Variants in RBFOX1 observed in about 807,000 individuals in gnomAD.
RBFOX1 encodes the protein RNA binding protein fox-1 homolog 1.
Under a neutral mutation model 57.7 loss-of-function variants are expected in RBFOX1, and 8 were observed. That is an observed-to-expected ratio of 0.14 (90% CI 0.08 to 0.25). The LOEUF (loss-of-function observed/expected upper bound fraction) is 0.25. RBFOX1 is among the 10% of genes least tolerant of loss of function. RBFOX1 has a pLI of 1.00. For missense variants in RBFOX1, 611 were observed against 548.5 expected (o/e 1.11, Z -1.14); for synonymous variants, 326 against 222.4 (o/e 1.47, Z -4.15).
chr16:7,532,657 G>T (rs1397653656), intron 5 of RBFOX1, among the ~76,000 whole-genome samples: 1 of 152,204 alleles, frequency 6.6e-6, no homozygotes, highest in African/African-American at 2.4e-5. Flanking sequence ...GAAGTAGCAA[G>T]GCTAGGAGTT....
At chr16:7,465,262 T>A (rs374592875) in intron 4 of RBFOX1, among the ~76,000 whole-genome samples, 9 of 152,202 alleles carry the variant, frequency 5.9e-5, no homozygotes, top group Admixed American at 4.6e-4. Flanking sequence ...ATAAGCCCAA[T>A]TGAAGTACAC....
At chr16:7,296,712 G>T (rs1029048874) in intron 4 of RBFOX1, among the ~76,000 whole-genome samples, 1 of 152,152 alleles carries the variant, frequency 6.6e-6, no homozygotes, top group African/African-American at 2.4e-5. Flanking sequence ...ATGGATGTGG[G>T]CCATGCAACC....
At chr16:6,976,933 ATATC>A (rs1406202293) in intron 3 of RBFOX1, among the ~76,000 whole-genome samples, 1 of 146,450 alleles carries the variant, frequency 6.8e-6, no homozygotes, top group Non-Finnish European at 1.5e-5. Context: ...TATATTATAT[ATATC>A]ATATACTATA....
intron 2 of RBFOX1, among the ~76,000 whole-genome samples, chr16:6,624,252 G>T (rs151333956): frequency 9.6e-4 from 146 of 152,326 alleles, no homozygotes; most frequent in African/African-American, 3.2e-3. Flanking sequence ...CTTTGGGTCA[G>T]TTAAATATCT....
At chr16:6,758,979 G>T (rs1339905627) in intron 3 of RBFOX1, among the ~76,000 whole-genome samples, 1 of 151,978 alleles carries the variant, frequency 6.6e-6, no homozygotes, top group Non-Finnish European at 1.5e-5. Context: ...AATGGATGTT[G>T]AACTTAAATC....
intron 4 of RBFOX1, among the ~76,000 whole-genome samples, chr16:7,280,981 C>CT (rs1174515463): frequency 3.5e-5 from 4 of 114,030 alleles, no homozygotes; most frequent in South Asian, 4.1e-4. Context: ...CCCTCCCTCC[C>CT]TCCCTCCCTC....
At chr16:7,405,448 G>C (rs1379022242) in intron 4 of RBFOX1, among the ~76,000 whole-genome samples, 1 of 152,322 alleles carries the variant, frequency 6.6e-6, no homozygotes, top group African/African-American at 2.4e-5. Flanking sequence ...TCCGGGCGAA[G>C]TGTGTTCCCA....
At chr16:5,338,025 C>G (rs1422111760) in intron 1 of RBFOX1, among the ~76,000 whole-genome samples, 1 of 152,166 alleles carries the variant, frequency 6.6e-6, no homozygotes, top group East Asian at 1.9e-4. Context: ...GCCTGGACAA[C>G]AAAGTGAGTC....
At chr16:5,242,417 A>T (rs1188264201) in intron 1 of RBFOX1, among the ~76,000 whole-genome samples, 1 of 152,200 alleles carries the variant, frequency 6.6e-6, no homozygotes, top group African/African-American at 2.4e-5. Context: ...TGATTTTCAA[A>T]CTTAAAATTT....
At chr16:5,393,027 G>T (rs903438162) in intron 1 of RBFOX1, among the ~76,000 whole-genome samples, 12 of 152,154 alleles carry the variant, frequency 7.9e-5, no homozygotes, top group Non-Finnish European at 1.6e-4. Flanking sequence ...CCTTTGAGAA[G>T]AGGTGGCTAA....
At chr16:6,920,222 T>G (rs1312480043) in intron 3 of RBFOX1, among the ~76,000 whole-genome samples, 1 of 150,526 alleles carries the variant, frequency 6.6e-6, no homozygotes, top group African/African-American at 2.5e-5. Flanking sequence ...CAATTGCAAA[T>G]TGTGCTGCTA....
At chr16:6,271,421 T>TA (rs769835793) in intron 1 of RBFOX1, among the ~76,000 whole-genome samples, 37 of 151,896 alleles carry the variant, frequency 2.4e-4, no homozygotes, top group Admixed American at 1.8e-3. Flanking sequence ...AGACCCTGTC[T>TA]AAAAAACAAA....
At chr16:7,465,723 A>G (rs1249201454) in intron 4 of RBFOX1, among the ~76,000 whole-genome samples, 1 of 152,190 alleles carries the variant, frequency 6.6e-6, no homozygotes, top group Non-Finnish European at 1.5e-5. Context: ...CATTAAATGC[A>G]GATTTGTGGG....
intron 4 of RBFOX1, among the ~76,000 whole-genome samples, chr16:7,254,956 C>A (rs145928958): frequency 6.6e-6 from 1 of 152,156 alleles, no homozygotes; most frequent in East Asian, 1.9e-4. Flanking sequence ...ATGGCTCAAC[C>A]GTTAATAAGA....
chr16:5,905,728 G>C (rs74996376), intron 4 of RBFOX1, among the ~76,000 whole-genome samples: 1,758 of 152,196 alleles, frequency 0.012, 9 homozygotes, highest in Non-Finnish European at 0.017. Context: ...GCATCTAGAA[G>C]CCAAGGAGAG....
chr16:6,233,088 C>A (rs1276231503), intron 1 of RBFOX1, among the ~76,000 whole-genome samples: 1 of 152,104 alleles, frequency 6.6e-6, no homozygotes, highest in African/African-American at 2.4e-5. Context: ...TTTACTGAGG[C>A]AGGGCCAGCT....
intron 4 of RBFOX1, among the ~76,000 whole-genome samples, chr16:7,117,926 G>C (rs537614046): frequency 6.6e-6 from 1 of 152,182 alleles, no homozygotes; most frequent in Non-Finnish European, 1.5e-5. Context: ...GGTGGAGAGA[G>C]AGACAGAGAC....
At chr16:7,524,324 C>T (rs911372063) in intron 5 of RBFOX1, among the ~76,000 whole-genome samples, 2 of 152,130 alleles carry the variant, frequency 1.3e-5, no homozygotes, top group Admixed American at 6.5e-5. Flanking sequence ...AAAGACTTAC[C>T]AGGTCATCCT....
At chr16:5,864,289 G>A (rs952945823) in intron 3 of RBFOX1, among the ~76,000 whole-genome samples, 1 of 152,176 alleles carries the variant, frequency 6.6e-6, no homozygotes, top group African/African-American at 2.4e-5. Context: ...AAAGTGGTAC[G>A]AAGCTTTATT....
Sources: gnomAD v4.1 joint callset for allele counts (sites outside exome capture counted in the v4.1 genomes callset) on GRCh38, gnomAD v4.1.1 for gene constraint, MANE v1.5 for transcripts, NCBI Gene and HGNC (gene_info 2026-07-23, HGNC 2026-07-21) for gene names.